Variants in SCOC observed in about 807,000 individuals in gnomAD.
SCOC encodes short coiled-coil protein.
In SCOC, 7 loss-of-function variants were observed where a neutral mutation model predicts 9.9. The ratio of observed to expected loss-of-function variants is 0.71; its 90% confidence interval spans 0.40 to 1.33. SCOC has a LOEUF of 1.33. Among genes scored for constraint, SCOC ranks in the 40% most tolerant of loss-of-function variants. SCOC has a pLI of 0.01. For missense variants in SCOC, 66 were observed against 89.7 expected (o/e 0.74, Z 1.07); for synonymous variants, 19 against 28.2 (o/e 0.67, Z 1.03).
chr4:140,362,254 C>T (rs139240871), intron 2 of SCOC, among the ~76,000 whole-genome samples: 15 of 100,910 alleles, frequency 1.5e-4, no homozygotes, highest in African/African-American at 4.6e-4. Context: ...AACTAAAGAC[C>T]GGCTAAAGAC....
chr4:140,350,130 C>T (rs931799152), intron 2 of SCOC, among the ~76,000 whole-genome samples: 2 of 152,202 alleles, frequency 1.3e-5, no homozygotes, highest in African/African-American at 4.8e-5. Flanking sequence ...TCAATTCCTA[C>T]TCACCCTTTC....
chr4:140,301,765 G>A (rs1004135628), intron 1 of SCOC, among the ~76,000 whole-genome samples: 1 of 152,138 alleles, frequency 6.6e-6, no homozygotes, highest in African/African-American at 2.4e-5. Flanking sequence ...TCCCTGCCAT[G>A]GAATTACACA....
chr4:140,265,736 G>C (rs1730718417), intron 1 of SCOC, among the ~76,000 whole-genome samples: 1 of 152,166 alleles, frequency 6.6e-6, no homozygotes, highest in Non-Finnish European at 1.5e-5. Flanking sequence ...GCAACCTTTA[G>C]CTTTAGGTTA....
chr4:140,317,465 C>A (rs946850397), intron 1 of SCOC, among the ~76,000 whole-genome samples: 1 of 152,024 alleles, frequency 6.6e-6, no homozygotes, highest in Non-Finnish European at 1.5e-5. Context: ...GTGCATGCAG[C>A]CCCCAGTCAC....
chr4:140,287,468 ACAT>A lies in SCOC; in HGVS notation c.-19+30062_-19+30064del, dbSNP rs574883814. 1.9e-3 allele frequency among the ~76,000 whole-genome samples: 282 copies of A among 152,080 alleles called. 1 individual carries two copies. The highest frequency in any genetic ancestry group is 6.1e-3 in the African/African-American group (251 of 41,440). ...TACCATGTACATACATGCTACACAC[ACAT>A]CATGTGCACATGCCACATAGACCAT... is the stretch of plus-strand genomic sequence containing the variant. On this transcript the variant is annotated intron_variant, in intron 1 of 4. Coordinates refer to the SCOC transcript ENST00000394205.
chr4:140,311,165 G>A, intron 1 of SCOC, among the ~76,000 whole-genome samples: 1 of 152,168 alleles, frequency 6.6e-6, no homozygotes, highest in East Asian at 1.9e-4. Context: ...GAGCCCAGGA[G>A]CTCAAGGCTG....
At chr4:140,272,673 A>T (rs1730872863) in intron 1 of SCOC, among the ~76,000 whole-genome samples, 1 of 152,192 alleles carries the variant, frequency 6.6e-6, no homozygotes, top group South Asian at 2.1e-4. Flanking sequence ...TGAAACATAG[A>T]TGTGGAGGGT....
chr4:140,283,757 C>G (rs1731151777), intron 1 of SCOC: 1 of 152,122 alleles, frequency 6.6e-6, no homozygotes, highest in African/African-American at 2.4e-5. Flanking sequence ...AAGTAAGGTA[C>G]CAACACATGC....
intron 2 of SCOC, among the ~76,000 whole-genome samples, chr4:140,364,999 T>C (rs1727727677): frequency 1.3e-5 from 2 of 152,052 alleles, no homozygotes; most frequent in Admixed American, 6.5e-5. Context: ...ATCATGACAG[T>C]CTGGAATGAT....
chr4:140,282,635 T>C (rs955967585), intron 1 of SCOC, among the ~76,000 whole-genome samples: 3 of 152,328 alleles, frequency 2.0e-5, no homozygotes, highest in Middle Eastern at 3.4e-3. Flanking sequence ...AGTAACACTA[T>C]AGGGGGGCGA....
intron 2 of SCOC, among the ~76,000 whole-genome samples, chr4:140,356,344 C>T (rs752307850): frequency 1.3e-5 from 2 of 152,184 alleles, no homozygotes; most frequent in Non-Finnish European, 2.9e-5. Flanking sequence ...CTTTCTCCTT[C>T]GTAACCACAA....
chr4:140,277,317 G>C (rs555195588), intron 1 of SCOC, among the ~76,000 whole-genome samples: 20 of 152,226 alleles, frequency 1.3e-4, no homozygotes, highest in Admixed American at 2.0e-4. Context: ...TATGAGTTGG[G>C]GGGGGCAGGG....
In SCOC at chr4:140,381,234, CA is replaced by C; in HGVS notation, c.*135del. ...TTATGAAGATAATGTCAGATGTAGACAAAAATAACACAATAACAGGAGACTT... is the reference window on the plus strand; with the variant it reads ...TTATGAAGATAATGTCAGATGTAGACAAAATAACACAATAACAGGAGACTT... On this transcript the variant is annotated 3_prime_UTR_variant, in exon 4 of 4. Transcript: ENST00000608372. The C allele has an allele frequency of 1.2e-6, 1 of 828,720 alleles. No homozygotes were observed. Among genetic ancestry groups the C allele is most frequent in the Non-Finnish European group, 1.8e-6 (1 of 553,872 alleles). The allele number at this position is 828,720 out of a possible 1,614,324, so 51.3% of individuals were successfully genotyped here.
intron 2 of SCOC, chr4:140,366,352 A>G (rs28460825): frequency 0.95 from 1,229,299 of 1,297,182 alleles, 582,884 homozygotes; most frequent in East Asian, 0.99. Flanking sequence ...GGAAGCTTCT[A>G]AGCTGGAGCC....
At chr4:140,264,875 C>T (rs185172039) in intron 1 of SCOC, among the ~76,000 whole-genome samples, 1 of 152,228 alleles carries the variant, frequency 6.6e-6, no homozygotes, top group East Asian at 1.9e-4. Context: ...GGAGTGGTTC[C>T]CCATTTCAGA....
At chr4:140,377,519 G>T (rs974591180) in intron 1 of SCOC, among the ~76,000 whole-genome samples, 9 of 152,152 alleles carry the variant, frequency 5.9e-5, no homozygotes, top group African/African-American at 2.2e-4. Flanking sequence ...ACCATTTGTA[G>T]TTAATTATTT....
Position 140,312,081 on chromosome 4 carries a change from C to T in SCOC, c.-18-31540C>T, listed in dbSNP as rs146457683. On this transcript the variant is annotated intron_variant, in intron 1 of 4. Coordinates refer to the SCOC transcript ENST00000394205. ...ATTTACTTGTTAAAAATTAGAAATA[C>T]GACTTCTATTGCTTTCTCCACCCAT... is the stretch of plus-strand genomic sequence containing the variant. Among the ~76,000 whole-genome samples the T allele has an allele frequency of 3.7e-3, 563 of 152,222 alleles. 3 individuals carry two copies. Among genetic ancestry groups the T allele is most frequent in the African/African-American group, 8.5e-3 (355 of 41,534 alleles).
intron 1 of SCOC, among the ~76,000 whole-genome samples, chr4:140,315,338 T>C (rs1027111474): frequency 3.3e-5 from 5 of 152,234 alleles, no homozygotes; most frequent in Admixed American, 1.3e-4. Context: ...CTGCACTGAA[T>C]ATACATTACC....
At chr4:140,317,494 A>G (rs926662583) in intron 1 of SCOC, among the ~76,000 whole-genome samples, 5 of 151,988 alleles carry the variant, frequency 3.3e-5, no homozygotes, top group African/African-American at 1.2e-4. Context: ...TGCTTGCTCA[A>G]TCGATCACGA....
Sources: allele counts gnomAD v4.1 joint callset (sites outside exome capture counted in the v4.1 genomes callset), GRCh38; gene constraint gnomAD v4.1.1; transcripts MANE v1.5; gene names NCBI Gene and HGNC (gene_info 2026-07-23, HGNC 2026-07-21).